TSHZ3: variants seen among roughly 807,000 people sequenced by gnomAD.
The protein encoded by TSHZ3 is teashirt zinc finger homeobox 3, also known as teashirt homolog 3.
A neutral mutation model predicts 64.5 loss-of-function variants in TSHZ3; 10 were observed. The ratio of observed to expected loss-of-function variants is 0.16; its 90% CI spans 0.10 to 0.26. The LOEUF (loss-of-function observed/expected upper bound fraction) is 0.26, where lower values mean the gene tolerates loss of function less well. Ranked by LOEUF, TSHZ3 falls within the 10% of genes least tolerant of loss-of-function variation. The pLI, the probability that TSHZ3 is intolerant of heterozygous loss-of-function variation, is 1.00. For missense variants in TSHZ3, 1,242 were observed against 1,421.7 expected, an observed-to-expected ratio of 0.87 and a Z score of 2.03; for synonymous variants, 608 against 593.1, an observed-to-expected ratio of 1.03 and a Z score of -0.36.
chr19:31,287,396 C>A (rs990243474), intron 1 of TSHZ3, among the ~76,000 whole-genome samples: 2 of 152,146 alleles, frequency 1.3e-5, no homozygotes, highest in African/African-American at 2.4e-5. Context: ...CCCCTCTTTG[C>A]AATGAGTGCC....
chr19:31,196,284 T>C (rs1163547912), intron 5 of TSHZ3, among the ~76,000 whole-genome samples: 1 of 151,866 alleles, frequency 6.6e-6, no homozygotes, highest in Non-Finnish European at 1.5e-5. Flanking sequence ...TATTGCAAAC[T>C]CTATGGCAAA....
Position 31,180,781 on chromosome 19 carries a change from C to T in TSHZ3, n.809+24175G>A, listed in dbSNP as rs150928142. 2.6e-3 allele frequency among the ~76,000 whole-genome samples: 397 copies of T among 152,250 alleles called. 2 individuals carry two copies. Among genetic ancestry groups the T allele is most frequent in the African/African-American group, 8.6e-3 (356 of 41,548 alleles). On this transcript the variant is annotated intron_variant and non_coding_transcript_variant, in intron 5 of 6. Transcript: ENST00000651361. ...GGATTTCTGTTGCTTTTATGATAAC[C>T]GCCATCAGGCCATCTTCCTACCACT...
chr19:31,346,384 A>T (rs1466180125), intron 1 of TSHZ3, among the ~76,000 whole-genome samples: 1 of 152,238 alleles, frequency 6.6e-6, no homozygotes, highest in African/African-American at 2.4e-5. Flanking sequence ...CAACTTGATT[A>T]CATCAAACTA....
intron 3 of TSHZ3, among the ~76,000 whole-genome samples, chr19:31,234,063 T>C (rs921939481): frequency 6.6e-6 from 1 of 152,194 alleles, no homozygotes; most frequent in African/African-American, 2.4e-5. Context: ...TGTCTTTCAG[T>C]TAATTTAGCT....
chr19:31,287,875 C>G (rs143360201), intron 1 of TSHZ3, among the ~76,000 whole-genome samples: 1 of 152,118 alleles, frequency 6.6e-6, no homozygotes, highest in Non-Finnish European at 1.5e-5. Context: ...CTGGGGCCTC[C>G]GGGCCTCCTT....
intron 1 of TSHZ3, among the ~76,000 whole-genome samples, chr19:31,313,149 G>A (rs1189857570): frequency 2.0e-5 from 3 of 152,098 alleles, no homozygotes; most frequent in Admixed American, 2.0e-4. Context: ...GCTTCCAGAG[G>A]AGACTCTGCG....
At chr19:31,306,554 GGCGTGTGTGCGTATGTAT>G (rs1916303039) in intron 1 of TSHZ3, among the ~76,000 whole-genome samples, 1 of 152,130 alleles carries the variant, frequency 6.6e-6, no homozygotes, top group Non-Finnish European at 1.5e-5. Context: ...CTCATGCATG[GGCGTGTGTGCGTATGTAT>G]GCGTGTGTGT....
At chr19:31,205,188 C>G (rs1472532389) in intron 4 of TSHZ3, among the ~76,000 whole-genome samples, 1 of 152,122 alleles carries the variant, frequency 6.6e-6, no homozygotes, top group Non-Finnish European at 1.5e-5. Context: ...TGAGCAGCCA[C>G]CCTTCACCAG....
At chr19:31,322,816 A>C (rs1012526252) in intron 1 of TSHZ3, among the ~76,000 whole-genome samples, 8 of 152,234 alleles carry the variant, frequency 5.3e-5, no homozygotes, top group African/African-American at 1.9e-4. Context: ...GAGTGACAGA[A>C]CGAATGAATG....
At chr19:31,340,338 CA>C (rs1160334453) in intron 1 of TSHZ3, among the ~76,000 whole-genome samples, 657 of 32,672 alleles carry the variant, frequency 0.02, no homozygotes, top group Middle Eastern at 0.14. Flanking sequence ...GCCTACAGTA[CA>C]AAAAAAAAAA....
chr19:31,162,485 T>C (rs973894168), intron 5 of TSHZ3, among the ~76,000 whole-genome samples: 1 of 152,134 alleles, frequency 6.6e-6, no homozygotes, highest in Non-Finnish European at 1.5e-5. Context: ...AATGAGTAAA[T>C]GGATGACGGC....
chr19:31,232,011 C>T (rs1362614649), intron 3 of TSHZ3, among the ~76,000 whole-genome samples: 1 of 152,010 alleles, frequency 6.6e-6, no homozygotes, highest in Non-Finnish European at 1.5e-5. Flanking sequence ...GGGGAAAAGG[C>T]CTAAGAATCA....
chr19:31,239,024 A>ACT (rs1008070246), intron 3 of TSHZ3, among the ~76,000 whole-genome samples: 1 of 151,900 alleles, frequency 6.6e-6, no homozygotes, highest in Non-Finnish European at 1.5e-5. Context: ...TCTTTTTTGT[A>ACT]CTTAATTTTT....
At chr19:31,331,661 C>T (rs1364299839) in intron 1 of TSHZ3, among the ~76,000 whole-genome samples, 1 of 152,204 alleles carries the variant, frequency 6.6e-6, no homozygotes, top group African/African-American at 2.4e-5. Flanking sequence ...AGGAGGCCAG[C>T]GGCTGCATTC....
Position 31,275,822 on chromosome 19 carries a change from TA to T in TSHZ3, c.*724del, listed in dbSNP as rs1976220353. 1 of 152,310 alleles carries T rather than the reference TA, an allele frequency of 6.6e-6. No individual in the cohort carries two copies. Among genetic ancestry groups the T allele is most frequent in the African/African-American group, 2.4e-5 (1 of 41,324 alleles). The allele number at this position is 152,310 out of a possible 1,614,324, so 9.4% of individuals were successfully genotyped here. A position where few individuals can be genotyped will look rare whatever the true frequency, so the allele number is the denominator to read the frequency against. ...ACCTTAAAAAAAAGAAAAAAAGAAA[TA>T]TACACTATACATAGGCACAGCTTAT... On this transcript the variant is annotated 3_prime_UTR_variant, in exon 2 of 2. Transcript: ENST00000240587.
chr19:31,326,992 G>A (rs1284671082), intron 1 of TSHZ3, among the ~76,000 whole-genome samples: 1 of 152,142 alleles, frequency 6.6e-6, no homozygotes, highest in East Asian at 1.9e-4. Flanking sequence ...AAGGCATCCT[G>A]GAGAGAAGTG....
At chr19:31,264,395 T>C (rs1194687808) in intron 1 of TSHZ3, among the ~76,000 whole-genome samples, 1 of 152,188 alleles carries the variant, frequency 6.6e-6, no homozygotes, top group African/African-American at 2.4e-5. Flanking sequence ...ATTAGCTTCC[T>C]TTTTTTCCCC....
At chr19:31,306,170 G>C (rs1459139457) in intron 1 of TSHZ3, among the ~76,000 whole-genome samples, 1 of 152,136 alleles carries the variant, frequency 6.6e-6, no homozygotes, top group African/African-American at 2.4e-5. Context: ...TCATTCCCGG[G>C]GTGGCCTTGC....
intron 1 of TSHZ3, among the ~76,000 whole-genome samples, chr19:31,259,455 C>A (rs1224552069): frequency 2.0e-5 from 3 of 152,038 alleles, no homozygotes; most frequent in Non-Finnish European, 4.4e-5. Flanking sequence ...GCCTGAAGCT[C>A]GCAAATCCTC....
Sources: gnomAD v4.1 joint callset for allele counts (sites outside exome capture counted in the v4.1 genomes callset) on GRCh38, gnomAD v4.1.1 for gene constraint, MANE v1.5 for transcripts, NCBI Gene and HGNC (gene_info 2026-07-23, HGNC 2026-07-21) for gene names.